SDK1: variants seen among roughly 807,000 people sequenced by gnomAD.
SDK1 encodes the protein sidekick cell adhesion molecule 1, also known as protein sidekick-1.
Under a neutral mutation model 245.5 loss-of-function variants are expected in SDK1, and 157 were observed. That is an observed-to-expected ratio of 0.64 (90% CI 0.56 to 0.73). The LOEUF (loss-of-function observed/expected upper bound fraction) is 0.73, where lower values mean the gene tolerates loss of function less well. Ranked by LOEUF, SDK1 falls within the 30% of genes least tolerant of loss-of-function variation. The pLI is 0.00. For synonymous variants in SDK1, 1,647 were observed against 1,278.5 expected, an observed-to-expected ratio of 1.29 and a Z score of -6.15; for missense variants, 3,583 against 3,002.3, an observed-to-expected ratio of 1.19 and a Z score of -4.52.
rs145723691 is a variant in SDK1, at chr7:3,568,287, G to C, written c.299-50793G>C. 1.6e-4 allele frequency among the ~76,000 whole-genome samples: 25 copies of C among 152,154 alleles called. 1 individual carries two copies. The East Asian group carries it at 3.7e-3, about 22-fold the overall frequency. On this transcript the variant is annotated intron_variant, in intron 1 of 44. Transcript: ENST00000404826. ...CATTTAATTGTAGTCAGCTACTTTA[G>C]GTAACTGATATACTCTAATGTCCCA...
intron 4 of SDK1, among the ~76,000 whole-genome samples, chr7:3,681,984 A>G (rs540900124): frequency 6.6e-6 from 1 of 152,346 alleles, no homozygotes; most frequent in South Asian, 2.1e-4. Flanking sequence ...ACATAATCAA[A>G]TGTTTTAATG....
At chr7:3,439,841 C>A (rs1780143716) in intron 1 of SDK1, among the ~76,000 whole-genome samples, 1 of 152,210 alleles carries the variant, frequency 6.6e-6, no homozygotes, top group East Asian at 1.9e-4. Context: ...GACCTCCTTG[C>A]TTACTAGAGG....
intron 40 of SDK1, chr7:4,227,320 G>A (rs74496648): frequency 0.066 from 30,520 of 465,544 alleles, 1,262 homozygotes; most frequent in East Asian, 0.11. Context: ...TTGTCAGCCC[G>A]GCTTCCCACC....
chr7:3,681,375 T>G (rs1784095852), intron 4 of SDK1, among the ~76,000 whole-genome samples: 1 of 152,104 alleles, frequency 6.6e-6, no homozygotes, highest in Non-Finnish European at 1.5e-5. Context: ...AATGTTAGAC[T>G]TTTCCTGATG....
At chr7:3,448,786 C>G (rs894924474) in intron 1 of SDK1, among the ~76,000 whole-genome samples, 1 of 152,130 alleles carries the variant, frequency 6.6e-6, no homozygotes, top group Non-Finnish European at 1.5e-5. Context: ...TTTTCCCCAG[C>G]TTAACCCATT....
chr7:3,440,749 A>C (rs1780170811), intron 1 of SDK1, among the ~76,000 whole-genome samples: 2 of 152,194 alleles, frequency 1.3e-5, no homozygotes, highest in African/African-American at 4.8e-5. Flanking sequence ...TGAAATTGTG[A>C]AACAGGACAA....
chr7:3,641,056 A>T (rs983446757), intron 3 of SDK1, among the ~76,000 whole-genome samples: 1 of 151,872 alleles, frequency 6.6e-6, no homozygotes, highest in Non-Finnish European at 1.5e-5. Context: ...TGAAAAAACT[A>T]TGAGTATTTT....
In SDK1 at chr7:4,017,232, A is replaced by AACT; in HGVS notation, c.2486_2488dup (p.Tyr829dup). 2 of 1,614,126 alleles carry AACT rather than the reference A, an allele frequency of 1.2e-6. No homozygotes were observed. Among genetic ancestry groups the AACT allele is most frequent in the Non-Finnish European group, 1.7e-6 (2 of 1,179,986 alleles). The stretch of plus-strand genomic sequence containing the variant: ...GCGGAACATCACCAGCCCGGAGGTG[A>AACT]ACTACTGCCTGGTGACAGACCTGAT... On this transcript the variant is annotated inframe_insertion, in exon 17 of 45. Coordinates refer to ENST00000404826, the MANE Select transcript of SDK1 (RefSeq NM_152744.4).
At chr7:3,655,128 A>G (rs1334969498) in intron 4 of SDK1, among the ~76,000 whole-genome samples, 1 of 151,026 alleles carries the variant, frequency 6.6e-6, no homozygotes, top group Non-Finnish European at 1.5e-5. Context: ...AGGCATTTTA[A>G]ATGCATATAA....
rs139607779 is a variant in SDK1 at position 4,160,911 on chromosome 7, C to T, written c.4730-875C>T. Among the ~76,000 whole-genome samples, 341 of 152,258 alleles carry T rather than the reference C, an allele frequency of 2.2e-3. 2 individuals carry two copies. Among genetic ancestry groups the T allele is most frequent in the Admixed American group, 3.6e-3 (55 of 15,294 alleles). On this transcript the variant is annotated intron_variant, in intron 31 of 44. Transcript: ENST00000404826. ...AGGAAAATCACAGAGCCGGTGACCCCGGGACCCAATCTTGGGTTCTAAGTG... is the reference window on the plus strand; with the variant it reads ...AGGAAAATCACAGAGCCGGTGACCCTGGGACCCAATCTTGGGTTCTAAGTG...
intron 1 of SDK1, among the ~76,000 whole-genome samples, chr7:3,350,996 T>G (rs190932106): frequency 6.6e-6 from 1 of 152,332 alleles, no homozygotes; most frequent in South Asian, 2.1e-4. Context: ...ATCAATAATA[T>G]CTGATACTAC....
At chr7:3,605,021 A>G (rs987732341) in intron 1 of SDK1, among the ~76,000 whole-genome samples, 3 of 152,026 alleles carry the variant, frequency 2.0e-5, no homozygotes, top group African/African-American at 7.2e-5. Flanking sequence ...TGTTAATACT[A>G]TGGCCAGAGG....
At chr7:3,963,724 C>T (rs1305617290) in intron 9 of SDK1, among the ~76,000 whole-genome samples, 4 of 146,156 alleles carry the variant, frequency 2.7e-5, no homozygotes, top group Non-Finnish European at 4.5e-5. Context: ...TGGACGTATC[C>T]AGTGAGTACA....
At chr7:3,580,589 A>C (rs952410331) in intron 1 of SDK1, among the ~76,000 whole-genome samples, 1 of 152,314 alleles carries the variant, frequency 6.6e-6, no homozygotes, top group African/African-American at 2.4e-5. Context: ...CTGACTAGGC[A>C]TATGCAGGGG....
At chr7:3,634,694 C>T (rs940525639) in intron 2 of SDK1, among the ~76,000 whole-genome samples, 2 of 152,156 alleles carry the variant, frequency 1.3e-5, no homozygotes, top group African/African-American at 2.4e-5. Context: ...GTTAGGTGAA[C>T]ATAATTTGTG....
At chr7:3,352,003 A>G (rs1780672337) in intron 1 of SDK1, among the ~76,000 whole-genome samples, 1 of 152,044 alleles carries the variant, frequency 6.6e-6, no homozygotes, top group African/African-American at 2.4e-5. Flanking sequence ...TAAATTTCAA[A>G]TGATTGAAAT....
At chr7:3,867,944 C>G (rs1257124063) in intron 5 of SDK1, among the ~76,000 whole-genome samples, 1 of 151,906 alleles carries the variant, frequency 6.6e-6, no homozygotes, top group African/African-American at 2.4e-5. Flanking sequence ...CATGACTTAT[C>G]CTTTCTATCT....
intron 1 of SDK1, among the ~76,000 whole-genome samples, chr7:3,438,335 T>G (rs1028990546): frequency 6.6e-6 from 1 of 152,210 alleles, no homozygotes; most frequent in African/African-American, 2.4e-5. Flanking sequence ...ATCACCTTCA[T>G]GTGAAGACAG....
chr7:3,613,691 A>G (rs1038137732), intron 1 of SDK1, among the ~76,000 whole-genome samples: 3 of 152,166 alleles, frequency 2.0e-5, no homozygotes, highest in Admixed American at 1.3e-4. Flanking sequence ...ACAAAGACAC[A>G]TATGTTCCCA....
Sources: allele counts gnomAD v4.1 joint callset (sites outside exome capture counted in the v4.1 genomes callset), GRCh38; gene constraint gnomAD v4.1.1; transcripts MANE v1.5; gene names NCBI Gene and HGNC (gene_info 2026-07-23, HGNC 2026-07-21).